The following ZNF407 variants were observed in gnomAD, a reference collection of about 807,000 sequenced individuals.
ZNF407 encodes zinc finger protein 407.
In ZNF407, 17 loss-of-function variants were observed where a neutral mutation model predicts 131.2. That is an observed-to-expected ratio of 0.13 (90% confidence interval 0.09 to 0.19). The LOEUF (loss-of-function observed/expected upper bound fraction) is 0.19, where lower values mean the gene tolerates loss of function less well. Ranked by LOEUF, ZNF407 falls within the 10% of genes least tolerant of loss-of-function variation. The probability of loss-of-function intolerance (pLI) is 1.00; values close to 1 mark genes in which losing one functional copy is unlikely to be tolerated. For synonymous variants in ZNF407, 1,156 were observed against 1,062.0 expected, an observed-to-expected ratio of 1.09 and a Z score of -1.72; for missense variants, 2,681 against 2,830.6, an observed-to-expected ratio of 0.95 and a Z score of 1.20.
chr18:74,769,527 T>G (rs1969317012), intron 3 of ZNF407, among the ~76,000 whole-genome samples: 1 of 152,246 alleles, frequency 6.6e-6, no homozygotes, highest in African/African-American at 2.4e-5. Context: ...ATTCCCCTGC[T>G]GGAGATTTCA....
intron 8 of ZNF407, among the ~76,000 whole-genome samples, chr18:74,933,785 CAT>C (rs1326290734): frequency 2.0e-5 from 3 of 152,118 alleles, no homozygotes; most frequent in African/African-American, 7.2e-5. Context: ...ATGGACTAAA[CAT>C]ATGTTATATG....
intron 8 of ZNF407, among the ~76,000 whole-genome samples, chr18:74,976,971 C>T (rs1024701517): frequency 2.6e-5 from 4 of 152,218 alleles, no homozygotes; most frequent in Non-Finnish European, 5.9e-5. Context: ...AATGCATAGG[C>T]TTCTGTGTCT....
intron 8 of ZNF407, among the ~76,000 whole-genome samples, chr18:74,995,966 T>C (rs1972775660): frequency 6.6e-6 from 1 of 152,246 alleles, no homozygotes; most frequent in Admixed American, 6.5e-5. Flanking sequence ...CACTGTGATG[T>C]GAATACATGG....
intron 4 of ZNF407, among the ~76,000 whole-genome samples, chr18:74,787,286 C>A (rs181474157): frequency 1.3e-5 from 2 of 152,096 alleles, no homozygotes; most frequent in Non-Finnish European, 2.9e-5. Context: ...ATAGGAGATA[C>A]ACCCTCATGT....
chr18:74,772,028 G>T (rs1471114244), intron 3 of ZNF407, among the ~76,000 whole-genome samples: 1 of 152,084 alleles, frequency 6.6e-6, no homozygotes, highest in East Asian at 1.9e-4. Context: ...CTTTCATTAG[G>T]CAAGAAGTAT....
At chr18:74,932,640 A>G (rs1210801690) in intron 8 of ZNF407, among the ~76,000 whole-genome samples, 2 of 152,252 alleles carry the variant, frequency 1.3e-5, no homozygotes, top group Non-Finnish European at 2.9e-5. Context: ...GCATATTTAC[A>G]TCCAGAATGT....
chr18:75,051,114 G>A (rs1401261285), intron 8 of ZNF407, among the ~76,000 whole-genome samples: 4 of 152,128 alleles, frequency 2.6e-5, no homozygotes, highest in Non-Finnish European at 4.4e-5. Flanking sequence ...TTAAGATTCA[G>A]TGTGATAGGC....
rs1483804227 is a variant in ZNF407 at position 74,920,622 on chromosome 18, G to A, written c.5358G>A (p.Val1786=). The A allele has an allele frequency of 1.7e-5, 28 of 1,611,526 alleles. No homozygotes were observed. Among genetic ancestry groups the A allele is most frequent in the Middle Eastern group, 1.7e-4 (1 of 6,060 alleles). ...GTGACTACGGGACCAACGTCCCGGTGGAGTTCCGGAACCATTTGAAGGAAC... is the reference window on the plus strand; with the variant it reads ...GTGACTACGGGACCAACGTCCCGGTAGAGTTCCGGAACCATTTGAAGGAAC... ...PKCDYGTNVP[V]EFRNHLKEQH... is the part of the protein sequence containing the mutation. The change falls in exon 8 of 9, where the codon GTG becomes GTA. Residue 1786 remains valine (V), a synonymous_variant. Coordinates refer to ENST00000299687, the MANE Select transcript of ZNF407 (RefSeq NM_017757.3).
At chr18:75,061,814 CCT>C (rs1973637611) in intron 8 of ZNF407, 1 of 152,702 alleles carries the variant, frequency 6.5e-6, no homozygotes, top group Non-Finnish European at 1.5e-5. Context: ...CTGCTCACCC[CCT>C]CTTTTCTCTC....
At chr18:74,837,678 G>A (rs749538271) in intron 4 of ZNF407, among the ~76,000 whole-genome samples, 2 of 151,404 alleles carry the variant, frequency 1.3e-5, no homozygotes, top group Non-Finnish European at 2.9e-5. Context: ...TTTTGAGACA[G>A]GATCTCACTG....
intron 6 of ZNF407, among the ~76,000 whole-genome samples, chr18:74,888,599 A>C (rs1157178849): frequency 6.6e-6 from 1 of 152,194 alleles, no homozygotes; most frequent in Non-Finnish European, 1.5e-5. Flanking sequence ...TCACATTCCC[A>C]AGCTGTTCCA....
In ZNF407 at chr18:75,063,807, C is replaced by T. The variant is rs989278128; in HGVS notation, c.6086C>T (p.Ser2029Phe). The change falls in exon 9 of 9, where the codon TCC becomes TTC. Residue 2029 changes from serine to phenylalanine, a missense_variant. Physicochemically the swap from Ser to Phe is radical, Grantham distance 155 (BLOSUM62 -2). Transcript: ENST00000299687. The surrounding 1 kb of genome is among the most constrained non-coding windows in gnomAD (Gnocchi z 6.6). Reference sequence around the variant, plus strand: ...ATCCAGCTGCCCGGGCAGGAGGTCTCCCATGTGGCTGCCGACCCCGAGGCC... The same window carrying T: ...ATCCAGCTGCCCGGGCAGGAGGTCTTCCATGTGGCTGCCGACCCCGAGGCC... ...VLIQLPGQEV[S>F]HVAADPEAPE... 2 of 1,608,366 alleles carry T rather than the reference C, an allele frequency of 1.2e-6. No homozygotes were observed. The highest frequency in any genetic ancestry group is 8.5e-7 in the Non-Finnish European group (1 of 1,179,430).
intron 7 of ZNF407, among the ~76,000 whole-genome samples, chr18:74,894,641 A>G (rs1490465129): frequency 2.0e-5 from 3 of 152,090 alleles, no homozygotes; most frequent in Admixed American, 6.5e-5. Flanking sequence ...TTTCTTCTCT[A>G]TGATTTATAG....
At chr18:74,952,081 C>T (rs922279027) in intron 8 of ZNF407, among the ~76,000 whole-genome samples, 2 of 152,134 alleles carry the variant, frequency 1.3e-5, no homozygotes, top group Non-Finnish European at 2.9e-5. Flanking sequence ...AAAAGTAAGA[C>T]CCCTGCCCCT....
chr18:74,820,487 C>T (rs1312933689), intron 4 of ZNF407, among the ~76,000 whole-genome samples: 7 of 152,198 alleles, frequency 4.6e-5, no homozygotes, highest in African/African-American at 1.2e-4. Context: ...TCAGGGACAA[C>T]GAGTTCACTG....
intron 8 of ZNF407, among the ~76,000 whole-genome samples, chr18:75,028,939 C>T (rs1337993179): frequency 6.6e-6 from 1 of 152,158 alleles, no homozygotes; most frequent in Non-Finnish European, 1.5e-5. Context: ...AGATCAGACA[C>T]TTTATTTTGT....
intron 4 of ZNF407, among the ~76,000 whole-genome samples, chr18:74,786,802 T>G (rs1568215425): frequency 2.3e-5 from 3 of 132,420 alleles, no homozygotes; most frequent in Non-Finnish European, 4.8e-5. Context: ...TGTTTTTTTT[T>G]TTTTTTTTTT....
intron 4 of ZNF407, among the ~76,000 whole-genome samples, chr18:74,859,259 C>CAG (rs1970903331): frequency 6.6e-6 from 1 of 152,170 alleles, no homozygotes; most frequent in Non-Finnish European, 1.5e-5. Flanking sequence ...TAAGTAACAT[C>CAG]ACCCTTTGTG....
chr18:74,607,314 C>A (rs934827140), intron 1 of ZNF407, among the ~76,000 whole-genome samples: 6 of 152,176 alleles, frequency 3.9e-5, no homozygotes, highest in Admixed American at 6.5e-5. Flanking sequence ...ACTTCTGTAG[C>A]CTCAGCATCA....
Sources: allele counts gnomAD v4.1 joint callset (sites outside exome capture counted in the v4.1 genomes callset), GRCh38; gene constraint gnomAD v4.1.1; non-coding constraint Gnocchi (gnomAD v3.1); transcripts MANE v1.5; gene names NCBI Gene and HGNC (gene_info 2026-07-23, HGNC 2026-07-21).